UACA: variants seen among roughly 807,000 people sequenced by gnomAD.
UACA encodes the protein nuclear membrane binding protein.
In UACA, 112 loss-of-function variants were observed where a neutral mutation model predicts 160.5. The ratio of observed to expected loss-of-function variants is 0.70; its 90% CI spans 0.60 to 0.82. UACA has a LOEUF of 0.82. Among genes scored for constraint, UACA ranks in the 40% least tolerant of loss-of-function variants. The pLI is 0.00. For synonymous variants in UACA, 557 were observed against 568.4 expected, an observed-to-expected ratio of 0.98 and a Z score of 0.29; for missense variants, 1,574 against 1,614.6, an observed-to-expected ratio of 0.97 and a Z score of 0.43.
intron 1 of UACA, among the ~76,000 whole-genome samples, chr15:70,762,400 AC>A (rs2030819274): frequency 6.6e-6 from 1 of 152,264 alleles, no homozygotes; most frequent in Admixed American, 6.5e-5. Flanking sequence ...CAACTCCTTT[AC>A]GTTCGACTCT....
At chr15:70,726,452 C>G (rs567943836) in intron 1 of UACA, among the ~76,000 whole-genome samples, 1 of 152,034 alleles carries the variant, frequency 6.6e-6, no homozygotes, top group South Asian at 2.1e-4. Context: ...CTTTGCTATT[C>G]GTGTATAAAA....
intron 1 of UACA, among the ~76,000 whole-genome samples, chr15:70,739,521 G>A (rs1899465879): frequency 6.6e-6 from 1 of 152,102 alleles, no homozygotes; most frequent in Non-Finnish European, 1.5e-5. Context: ...CTTTATATTG[G>A]CAAGAATATA....
chr15:70,688,466 C>T (rs1383356604), intron 5 of UACA, among the ~76,000 whole-genome samples: 3 of 151,978 alleles, frequency 2.0e-5, no homozygotes, highest in African/African-American at 7.2e-5. Context: ...ACAAAAAGTA[C>T]TGACAAAGTG....
rs59313425 is a variant in UACA, at chr15:70,718,324, A to ATGTGTGTGTGTGTGTGTG, written c.79-18682_79-18665dup. On this transcript the variant is annotated intron_variant, in intron 1 of 18. Transcript: ENST00000322954. ...AGAGGGAGAGGGAGAGAGAGAGAGA[A>ATGTGTGTGTGTGTGTGTG]TGTGTGTGTGTGTGTGTGTGTGTGT... 2.7e-4 allele frequency among the ~76,000 whole-genome samples: 16 copies of ATGTGTGTGTGTGTGTGTG among 60,228 alleles called. 1 individual carries two copies. The highest frequency in any genetic ancestry group is 1.0e-3 in the South Asian group (1 of 978). 39.5% of individuals were successfully genotyped at this position (60,228 alleles called of 152,430 possible).
At chr15:70,709,042 G>A (rs1183083753) in intron 1 of UACA, among the ~76,000 whole-genome samples, 4 of 152,092 alleles carry the variant, frequency 2.6e-5, no homozygotes, top group South Asian at 4.2e-4. Context: ...AAAGCAGCAC[G>A]TCCTTTCCAC....
intron 17 of UACA, among the ~76,000 whole-genome samples, chr15:70,662,241 T>C (rs950456945): frequency 2.6e-5 from 4 of 152,192 alleles, no homozygotes; most frequent in African/African-American, 9.6e-5. Context: ...AGCCAAATCA[T>C]GAGTGAACTC....
At chr15:70,750,355 AAGATCT>A (rs2029969561) in intron 1 of UACA, among the ~76,000 whole-genome samples, 1 of 150,586 alleles carries the variant, frequency 6.6e-6, no homozygotes, top group Admixed American at 6.6e-5. Flanking sequence ...AAGCTATTCC[AAGATCT>A]ACCCCCAAAC....
chr15:70,679,707 G>C, intron 9 of UACA, 31 bp from the exon 10 acceptor site: 1 of 1,431,156 alleles, frequency 7.0e-7, no homozygotes, highest in Non-Finnish European at 9.7e-7. Flanking sequence ...ACACGGGTCA[G>C]CAAGTGTAAG....
In UACA at chr15:70,659,343, T is replaced by G. The variant is rs1485005077; in HGVS notation, c.4179+808A>C. Among the ~76,000 whole-genome samples the G allele has an allele frequency of 2.6e-5, 4 of 151,042 alleles. No homozygotes were observed. The South Asian group carries it at 8.3e-4, about 31-fold the overall frequency. ...CTAGTTCTCTTTTTAAAATTGTTCT[T>G]TTTTTGAAGCTTTCTCTCAACATCC... On this transcript the variant is annotated intron_variant, in intron 18 of 18. Coordinates refer to ENST00000322954, the MANE Select transcript of UACA (RefSeq NM_018003.4).
chr15:70,664,081 C>G (rs1163150680), intron 17 of UACA, among the ~76,000 whole-genome samples: 4 of 151,670 alleles, frequency 2.6e-5, no homozygotes, highest in Admixed American at 2.6e-4. Flanking sequence ...ATGAGAAAAC[C>G]AAGAGTTAAA....
At chr15:70,747,415 G>C (rs1217165667) in intron 1 of UACA, among the ~76,000 whole-genome samples, 2 of 151,858 alleles carry the variant, frequency 1.3e-5, no homozygotes, top group Non-Finnish European at 2.9e-5. Flanking sequence ...TATCGCCCAG[G>C]CTGGAGTACA....
At chr15:70,711,215 C>T (rs11853005) in intron 1 of UACA, among the ~76,000 whole-genome samples, 27,898 of 152,090 alleles carry the variant, frequency 0.18, 3,953 homozygotes, top group African/African-American at 0.4. Context: ...AAAGGGTTCA[C>T]TGACCTCCTT....
At chr15:70,774,545 C>CAAAAAAAAAAAAAAAAAAA in the UACA span, among the ~76,000 whole-genome samples, 16 of 82,440 alleles carry the variant, frequency 1.9e-4, no homozygotes, top group African/African-American at 6.4e-4. Flanking sequence ...GACTCTGTCT[C>CAAAAAAAAAAAAAAAAAAA]AAAAAAAAAA....
chr15:70,678,917 A>T (rs530219515), intron 10 of UACA, among the ~76,000 whole-genome samples: 1 of 152,200 alleles, frequency 6.6e-6, no homozygotes, highest in Admixed American at 6.5e-5. Context: ...TTTTAATACT[A>T]TAATTTTCTA....
chr15:70,774,372 C>A, the UACA span, among the ~76,000 whole-genome samples: 4 of 151,924 alleles, frequency 2.6e-5, no homozygotes, highest in African/African-American at 9.7e-5. Context: ...TGGTGAAACC[C>A]CGTCTCTACC....
chr15:70,740,179 GAAA>G (rs1229081570), intron 1 of UACA, among the ~76,000 whole-genome samples: 4 of 25,104 alleles, frequency 1.6e-4, no homozygotes, highest in Non-Finnish European at 1.3e-3. Context: ...AAATACATAA[GAAA>G]TACTGTGAAT....
chr15:70,705,829 TA>T (rs1440312588), intron 1 of UACA, among the ~76,000 whole-genome samples: 2 of 152,100 alleles, frequency 1.3e-5, no homozygotes, highest in Non-Finnish European at 2.9e-5. Flanking sequence ...TTTATAAAAA[TA>T]AAACAATTGA....
rs1195417078 is a variant in UACA at position 70,665,130 on chromosome 15, C to T, written c.3961-316G>A. 2.6e-5 allele frequency among the ~76,000 whole-genome samples: 4 copies of T among 152,096 alleles called. No homozygotes were observed. The East Asian group carries it at 7.7e-4, about 29-fold the overall frequency. ...TCTACGAAGGCACATGAACTATCTT[C>T]CAGGTAACATATGGAACACAGGAAG... is the stretch of plus-strand genomic sequence containing the variant. On this transcript the variant is annotated intron_variant, in intron 16 of 18. Transcript: ENST00000322954.
intron 16 of UACA, 134 bp from the exon 17 acceptor site, chr15:70,664,948 C>A: frequency 5.8e-6 from 4 of 694,952 alleles, no homozygotes; most frequent in East Asian, 3.0e-5. Flanking sequence ...ATGAATATTG[C>A]CAAGACTGTT....
Sources: gnomAD v4.1 joint callset for allele counts (sites outside exome capture counted in the v4.1 genomes callset) on GRCh38, gnomAD v4.1.1 for gene constraint, MANE v1.5 for transcripts, NCBI Gene and HGNC (gene_info 2026-07-23, HGNC 2026-07-21) for gene names.